CES5A: variants seen among roughly 807,000 people sequenced by gnomAD.
CES5A encodes the protein carboxylesterase 5.
Under a neutral mutation model 62.9 loss-of-function variants are expected in CES5A, and 67 were observed. The observed-to-expected ratio is 1.07, with a 90% CI of 0.88 to 1.31. CES5A has a LOEUF of 1.31. CES5A is among the 50% of genes most tolerant of loss of function. The probability of loss-of-function intolerance (pLI) is 0.00; values close to 1 mark genes in which losing one functional copy is unlikely to be tolerated. For synonymous variants in CES5A, 296 were observed against 280.8 expected (o/e 1.05, Z -0.54); for missense variants, 748 against 708.5 (o/e 1.06, Z -0.63).
At chr16:55,860,755 T>C (rs1358623496) in intron 7 of CES5A, among the ~76,000 whole-genome samples, 1 of 152,210 alleles carries the variant, frequency 6.6e-6, no homozygotes, top group Non-Finnish European at 1.5e-5. Context: ...CCAGGACTTA[T>C]TATCCATTTC....
chr16:55,910,479 C>T (rs1254284672), intron 1 of CES5A, among the ~76,000 whole-genome samples: 3 of 152,152 alleles, frequency 2.0e-5, no homozygotes, highest in Non-Finnish European at 2.9e-5. Flanking sequence ...CTCCCTGAGC[C>T]CCAGAAACAC....
At chr16:55,889,151 G>T (rs1252772514) in intron 1 of CES5A, among the ~76,000 whole-genome samples, 2 of 151,860 alleles carry the variant, frequency 1.3e-5, no homozygotes, top group African/African-American at 4.8e-5. Context: ...AAAAAAAAAG[G>T]TATTTTTTCC....
chr16:55,849,847 C>A, intron 10 of CES5A, 74 bp from the exon 11 acceptor site: 1 of 1,535,914 alleles, frequency 6.5e-7, no homozygotes, highest in Non-Finnish European at 8.9e-7. Flanking sequence ...CCCCACCTAT[C>A]AAGTCTTGGA....
chr16:55,890,588 T>C (rs1280804830), intron 1 of CES5A, among the ~76,000 whole-genome samples: 1 of 152,156 alleles, frequency 6.6e-6, no homozygotes, highest in Non-Finnish European at 1.5e-5. Context: ...AAAAATTAAA[T>C]AGTGATATAT....
intron 4 of CES5A, among the ~76,000 whole-genome samples, chr16:55,869,092 C>T (rs10852545): frequency 0.31 from 46,511 of 152,140 alleles, 7,833 homozygotes; most frequent in East Asian, 0.62. Flanking sequence ...ACCGACTGCT[C>T]ACACAAACAG....
At chr16:55,897,725 G>C (rs2033948610) in intron 1 of CES5A, among the ~76,000 whole-genome samples, 1 of 152,210 alleles carries the variant, frequency 6.6e-6, no homozygotes, top group Non-Finnish European at 1.5e-5. Flanking sequence ...GTGGACACAT[G>C]TCTTTACCAT....
chr16:55,877,110 C>T (rs2253986), upstream of CES5A, among the ~76,000 whole-genome samples: 440 of 152,122 alleles, frequency 2.9e-3, 1 homozygote, highest in African/African-American at 9.9e-3. Context: ...ACCACAACAA[C>T]GCAAGGACTT....
intron 1 of CES5A, among the ~76,000 whole-genome samples, chr16:55,920,193 G>A (rs1393009115): frequency 6.6e-6 from 1 of 152,098 alleles, no homozygotes; most frequent in Non-Finnish European, 1.5e-5. Context: ...CATCCACGAT[G>A]CCCCTCCCCT....
Position 55,852,759 on chromosome 16 carries a change from G to T in CES5A, c.1273+122C>A, listed in dbSNP as rs375515861. 2,618 of 1,116,926 alleles carry T rather than the reference G, an allele frequency of 2.3e-3. 76 individuals carry two copies. In the South Asian group the frequency reaches 0.036, roughly 15 times the overall value. 69.2% of individuals were successfully genotyped at this position (1,116,926 alleles called of 1,614,324 possible). A position where few individuals can be genotyped will look rare whatever the true frequency, so the allele number is the denominator to read the frequency against. ...GCATGTTTCCATCCAGGCACACCTG[G>T]AAATGCACTTTCCATGATAGAACAG... On this transcript the variant is annotated intron_variant, in intron 10 of 12. Coordinates refer to ENST00000290567, the MANE Select transcript of CES5A (RefSeq NM_001143685.2).
chr16:55,889,248 G>A (rs1365597185), intron 1 of CES5A, among the ~76,000 whole-genome samples: 2 of 152,018 alleles, frequency 1.3e-5, no homozygotes, highest in Non-Finnish European at 2.9e-5. Context: ...TCCAAGAAAT[G>A]CCAGCTGGGT....
chr16:55,895,723 G>T (rs2033925178), intron 1 of CES5A, among the ~76,000 whole-genome samples: 1 of 152,154 alleles, frequency 6.6e-6, no homozygotes, highest in Non-Finnish European at 1.5e-5. Flanking sequence ...TAGAATGATT[G>T]TATTTTACAC....
intron 1 of CES5A, among the ~76,000 whole-genome samples, chr16:55,887,141 T>A (rs1260409063): frequency 6.6e-6 from 1 of 152,136 alleles, no homozygotes; most frequent in Non-Finnish European, 1.5e-5. Context: ...CAGACCAGTC[T>A]GAGAATCAAG....
At chr16:55,921,340 A>C (rs2034202394) in intron 1 of CES5A, among the ~76,000 whole-genome samples, 1 of 152,160 alleles carries the variant, frequency 6.6e-6, no homozygotes, top group Non-Finnish European at 1.5e-5. Flanking sequence ...GGTCAAGGAC[A>C]AAGAGAAGAT....
intron 2 of CES5A, among the ~76,000 whole-genome samples, chr16:55,931,646 G>A (rs2034312955): frequency 6.6e-6 from 1 of 152,112 alleles, no homozygotes; most frequent in African/African-American, 2.4e-5. Flanking sequence ...TAATCTATCA[G>A]GCCAACTAAT....
chr16:55,901,758 A>G (rs2033992614), intron 1 of CES5A, among the ~76,000 whole-genome samples: 1 of 152,320 alleles, frequency 6.6e-6, no homozygotes, highest in South Asian at 2.1e-4. Context: ...CTCATTTTAT[A>G]TGTAGGATTT....
intron 9 of CES5A, among the ~76,000 whole-genome samples, chr16:55,855,982 T>A (rs561982386): frequency 6.6e-6 from 1 of 152,108 alleles, no homozygotes; most frequent in African/African-American, 2.4e-5. Context: ...TCTCATGAGA[T>A]TTGGTTGTTT....
intron 1 of CES5A, among the ~76,000 whole-genome samples, chr16:55,908,873 G>A (rs1263986591): frequency 6.6e-6 from 1 of 152,202 alleles, no homozygotes; most frequent in African/African-American, 2.4e-5. Context: ...TGGTCACTTA[G>A]TACCAGCTCC....
Position 55,869,653 on chromosome 16 carries a change from A to G in CES5A, c.509T>C (p.Val170Ala). The change falls in exon 4 of 13, where the codon GTT (valine) becomes GCT (alanine). Residue 170 changes from valine (V) to alanine (A), a missense_variant. Coordinates refer to ENST00000290567, the MANE Select transcript of CES5A (RefSeq NM_001143685.2). ...TCCTAGCCGGTACTGGACGACCACA[A>G]CCAGCACGTCCTCATAGGCAGCCAG... ...SALAAYEDVL[V>A]VVVQYRLGIF... The G allele has an allele frequency of 6.2e-7, 1 of 1,613,766 alleles. No individual in the cohort carries two copies. Among genetic ancestry groups the G allele is most frequent in the Non-Finnish European group, 8.5e-7 (1 of 1,179,894 alleles).
At chr16:55,847,741 T>G (rs1434335834) in intron 11 of CES5A, among the ~76,000 whole-genome samples, 1 of 152,234 alleles carries the variant, frequency 6.6e-6, no homozygotes, top group African/African-American at 2.4e-5. Context: ...ACAAAAACAT[T>G]TATATGCAAT....
Sources: gnomAD v4.1 joint callset for allele counts (sites outside exome capture counted in the v4.1 genomes callset) on GRCh38, gnomAD v4.1.1 for gene constraint, MANE v1.5 for transcripts, NCBI Gene and HGNC (gene_info 2026-07-23, HGNC 2026-07-21) for gene names.